Variants in IL1R1 observed in about 807,000 individuals in gnomAD.
IL1R1 encodes interleukin-1 receptor type 1.
Under a neutral mutation model 50.2 loss-of-function variants are expected in IL1R1, and 22 were observed. The observed-to-expected ratio is 0.44, with a 90% CI of 0.31 to 0.63. IL1R1 has a LOEUF of 0.63. Among genes scored for constraint, IL1R1 ranks in the 20% least tolerant of loss-of-function variants. The pLI is 0.07. For missense variants in IL1R1, 509 were observed against 676.2 expected (o/e 0.75, Z 2.74); for synonymous variants, 251 against 236.7 (o/e 1.06, Z -0.55).
chr2:102,072,197 T>A (rs1351227382), intron 1 of IL1R1, among the ~76,000 whole-genome samples: 1 of 151,184 alleles, frequency 6.6e-6, no homozygotes, highest in Admixed American at 6.6e-5. Flanking sequence ...GAGGTGGAGG[T>A]TGCAGTGAGC....
chr2:102,124,241 G>T (rs752207654), intron 1 of IL1R1, among the ~76,000 whole-genome samples: 8 of 152,236 alleles, frequency 5.3e-5, no homozygotes, highest in Non-Finnish European at 1.0e-4. Context: ...GGGCAACATG[G>T]TGAAACTCCA....
chr2:102,152,716 G>A (rs796758006), intron 1 of IL1R1, among the ~76,000 whole-genome samples: 7 of 151,962 alleles, frequency 4.6e-5, no homozygotes, highest in African/African-American at 1.7e-4. Context: ...AGTCAGGAGG[G>A]CACTGTCCTA....
chr2:102,112,311 CGTGTGTGTGT>C lies in IL1R1; in HGVS notation c.-84+7457_-84+7466del, dbSNP rs146015817. The stretch of plus-strand genomic sequence containing the variant: ...ATGGCCAGCACAGAGTGGGGATTAA[CGTGTGTGTGT>C]GTGTGTGTGTGTGTGTGAGTGTGAG... On this transcript the variant is annotated intron_variant, in intron 1 of 10. Transcript: ENST00000409329. Among the ~76,000 whole-genome samples the C allele has an allele frequency of 8.1e-5, 12 of 147,912 alleles. No individual in the cohort carries two copies. The East Asian group carries it at 1.0e-3, about 12-fold the overall frequency.
chr2:102,175,886 C>T, intron 11 of IL1R1: 1 of 596,770 alleles, frequency 1.7e-6, no homozygotes, highest in East Asian at 2.8e-5. Flanking sequence ...TAGTTAAACC[C>T]AACAGTTGCT....
chr2:102,110,642 C>T (rs12995470), intron 1 of IL1R1, among the ~76,000 whole-genome samples: 42,064 of 150,878 alleles, frequency 0.28, 6,734 homozygotes, highest in African/African-American at 0.45. Flanking sequence ...TGTGGTCTCT[C>T]GTGGCAAATA....
At chr2:102,128,517 A>G (rs1681850707) in intron 1 of IL1R1, among the ~76,000 whole-genome samples, 1 of 152,342 alleles carries the variant, frequency 6.6e-6, no homozygotes, top group East Asian at 1.9e-4. Context: ...CAACAACCCA[A>G]TAAGCTGGGG....
At chr2:102,154,301 G>A (rs1683965606) in intron 2 of IL1R1, among the ~76,000 whole-genome samples, 1 of 152,120 alleles carries the variant, frequency 6.6e-6, no homozygotes, top group African/African-American at 2.4e-5. Context: ...CTGTGGCCAA[G>A]CTCTCCCCAG....
chr2:102,073,487 C>T (rs1422057878), intron 1 of IL1R1, among the ~76,000 whole-genome samples: 4 of 152,166 alleles, frequency 2.6e-5, no homozygotes, highest in African/African-American at 4.8e-5. Flanking sequence ...AGTTCCTTCC[C>T]TCCCTTCCCT....
chr2:102,104,078 C>T (rs1680273031), upstream of IL1R1, among the ~76,000 whole-genome samples: 2 of 151,822 alleles, frequency 1.3e-5, no homozygotes, highest in South Asian at 4.2e-4. Flanking sequence ...CCAGAGGCTC[C>T]AGCTTTCATC....
chr2:102,099,670 C>A (rs1293360985), upstream of IL1R1, among the ~76,000 whole-genome samples: 2 of 152,168 alleles, frequency 1.3e-5, no homozygotes, highest in African/African-American at 4.8e-5. Flanking sequence ...TCCTTTGTAT[C>A]AGAAGGTACA....
At chr2:102,146,584 G>A (rs968196883) in intron 1 of IL1R1, among the ~76,000 whole-genome samples, 1 of 152,154 alleles carries the variant, frequency 6.6e-6, no homozygotes. Flanking sequence ...ATGACTCTCG[G>A]TTAAGGTCTT....
At position 102,176,049 on chromosome 2, in the gene IL1R1, T is replaced by C. The variant is rs527827745; in HGVS notation, c.1304-304T>C. On this transcript the variant is annotated intron_variant, in intron 11 of 11. Coordinates refer to ENST00000410023, the MANE Select transcript of IL1R1 (RefSeq NM_000877.4). ...AGTCTATAAAATGGGAGGTTTGCAG[T>C]GGCTCATGCCTTTTATCTCAGTACA... The C allele has an allele frequency of 1.6e-5, 7 of 450,450 alleles. No individual in the cohort carries two copies. The South Asian group carries it at 2.1e-4, about 13-fold the overall frequency. 27.9% of individuals were successfully genotyped at this position (450,450 alleles called of 1,614,324 possible). A position where few individuals can be genotyped will look rare whatever the true frequency, so the allele number is the denominator to read the frequency against.
At chr2:102,088,443 T>C (rs1042368979) in intron 1 of IL1R1, among the ~76,000 whole-genome samples, 6 of 152,172 alleles carry the variant, frequency 3.9e-5, no homozygotes, top group Non-Finnish European at 5.9e-5. Context: ...CCCTGAGAAC[T>C]AGCTCTCAAC....
At chr2:102,137,637 T>A (rs971653266) in intron 1 of IL1R1, among the ~76,000 whole-genome samples, 1 of 152,222 alleles carries the variant, frequency 6.6e-6, no homozygotes, top group East Asian at 1.9e-4. Flanking sequence ...GAAAGGCTTT[T>A]TATGATTGAG....
At chr2:102,143,635 G>C (rs957337747) in intron 1 of IL1R1, among the ~76,000 whole-genome samples, 1 of 152,200 alleles carries the variant, frequency 6.6e-6, no homozygotes. Flanking sequence ...AGAAGTTTAG[G>C]TGACCAACTT....
At chr2:102,155,767 G>A (rs1684127850) in intron 2 of IL1R1, among the ~76,000 whole-genome samples, 1 of 152,218 alleles carries the variant, frequency 6.6e-6, no homozygotes, top group African/African-American at 2.4e-5. Flanking sequence ...ATTAGAGGAG[G>A]ATGAGGTCTG....
chr2:102,176,306 A>G (rs766606221), intron 11 of IL1R1, 47 bp from the exon 12 acceptor site: 3 of 1,551,422 alleles, frequency 1.9e-6, no homozygotes, highest in Non-Finnish European at 2.6e-6. Flanking sequence ...GGAGAGAATG[A>G]TGATAAATAG....
chr2:102,135,801 A>G (rs1250158959), intron 1 of IL1R1, among the ~76,000 whole-genome samples: 1 of 152,216 alleles, frequency 6.6e-6, no homozygotes, highest in African/African-American at 2.4e-5. Flanking sequence ...TCTGTCTAAT[A>G]TGATAGCCTC....
intron 5 of IL1R1, 50 bp from the exon 6 acceptor site, chr2:102,166,063 G>A (rs1685155377): frequency 1.3e-6 from 2 of 1,505,858 alleles, no homozygotes; most frequent in African/African-American, 2.8e-5. Context: ...GGTAGATTGG[G>A]GAAAGTTATT....
Sources: gnomAD v4.1 joint callset for allele counts (sites outside exome capture counted in the v4.1 genomes callset) on GRCh38, gnomAD v4.1.1 for gene constraint, MANE v1.5 for transcripts, NCBI Gene and HGNC (gene_info 2026-07-23, HGNC 2026-07-21) for gene names.